Variants in PIAS2 observed in about 807,000 individuals in gnomAD.
PIAS2 encodes the protein protein inhibitor of activated STAT 2.
A neutral mutation model predicts 69.7 loss-of-function variants in PIAS2; 19 were observed. The observed-to-expected ratio is 0.27, with a 90% confidence interval of 0.19 to 0.40. PIAS2 has a LOEUF of 0.40. PIAS2 is among the 10% of genes least tolerant of loss of function. The pLI is 1.00. For missense variants in PIAS2, 624 were observed against 757.0 expected, an observed-to-expected ratio of 0.82 and a Z score of 2.06; for synonymous variants, 261 against 263.2, an observed-to-expected ratio of 0.99 and a Z score of 0.08.
At chr18:46,897,761 T>C (rs2055128902) in intron 1 of PIAS2, among the ~76,000 whole-genome samples, 1 of 152,208 alleles carries the variant, frequency 6.6e-6, no homozygotes, top group African/African-American at 2.4e-5. Flanking sequence ...CAATAGCTAA[T>C]ATACTAAAAA....
intron 8 of PIAS2, among the ~76,000 whole-genome samples, chr18:46,837,614 A>G (rs1251223378): frequency 8.5e-5 from 13 of 152,182 alleles, no homozygotes; most frequent in Admixed American, 8.5e-4. Flanking sequence ...ATTTGTTTTT[A>G]TATAATCAAC....
intron 2 of PIAS2, among the ~76,000 whole-genome samples, chr18:46,872,229 T>G (rs2050468267): frequency 6.6e-6 from 1 of 152,212 alleles, no homozygotes; most frequent in African/African-American, 2.4e-5. Context: ...CTACCCACCC[T>G]GTTGTTCCCA....
rs190506615 is a variant in PIAS2 at position 46,909,824 on chromosome 18, G to T, written c.24+7498C>A. ...CAGGGTTTTTCTGCAAGACAAGTTT[G>T]GTGAAACTTTACAGTTTTTTTCTCT... is the stretch of plus-strand genomic sequence containing the variant. On this transcript the variant is annotated intron_variant, in intron 1 of 13. Transcript: ENST00000585916. 2.4e-3 allele frequency among the ~76,000 whole-genome samples: 360 copies of T among 152,248 alleles called. 2 individuals are homozygous for T. Among genetic ancestry groups the T allele is most frequent in the African/African-American group, 8.2e-3 (342 of 41,546 alleles).
intron 13 of PIAS2, among the ~76,000 whole-genome samples, chr18:46,814,426 T>C (rs964736145): frequency 2.6e-5 from 4 of 152,266 alleles, no homozygotes; most frequent in African/African-American, 7.2e-5. Context: ...GAAAAATACA[T>C]AGACACTTTC....
intron 1 of PIAS2, among the ~76,000 whole-genome samples, chr18:46,913,260 G>A (rs1432725679): frequency 2.0e-5 from 3 of 152,116 alleles, no homozygotes; most frequent in Non-Finnish European, 4.4e-5. Context: ...CTCCTGGTAG[G>A]TGTAAGGAAA....
rs954047160 is a variant in PIAS2, at chr18:46,818,203, C to G, written c.1648+2730G>C. 5.1e-6 allele frequency: 6 copies of G among 1,186,710 alleles called. No homozygotes were observed. The East Asian group carries it at 2.2e-4, about 43-fold the overall frequency. The allele number at this position is 1,186,710 out of a possible 1,614,324, so 73.5% of individuals were successfully genotyped here. On this transcript the variant is annotated intron_variant, in intron 12 of 13. Coordinates refer to ENST00000585916, the MANE Select transcript of PIAS2 (RefSeq NM_004671.5). ...GTCATAAACTTTTAACAAAACATAA[C>G]TGCTACATGATTAAATATGTAAATG...
chr18:46,867,438 T>C (rs1019952356), intron 2 of PIAS2, among the ~76,000 whole-genome samples: 1 of 152,182 alleles, frequency 6.6e-6, no homozygotes, highest in African/African-American at 2.4e-5. Context: ...ATAAAGTGAA[T>C]TTGTTAGCTA....
chr18:46,823,670 T>G (rs2042454036), intron 11 of PIAS2, among the ~76,000 whole-genome samples: 1 of 152,244 alleles, frequency 6.6e-6, no homozygotes, highest in Non-Finnish European at 1.5e-5. Context: ...TACAAATTAG[T>G]AAATCAACAT....
intron 12 of PIAS2, chr18:46,816,847 T>C: frequency 1.0e-6 from 1 of 982,308 alleles, no homozygotes; most frequent in Non-Finnish European, 1.2e-6. Context: ...CAAAGAGAAT[T>C]ACAACAAACT....
At chr18:46,894,191 GCTTA>G (rs757247076) in intron 1 of PIAS2, among the ~76,000 whole-genome samples, 2 of 152,136 alleles carry the variant, frequency 1.3e-5, no homozygotes, top group Non-Finnish European at 2.9e-5. Flanking sequence ...TCTCAAAGCA[GCTTA>G]CTAAGTAAAA....
intron 2 of PIAS2, among the ~76,000 whole-genome samples, chr18:46,873,093 C>A (rs1283241941): frequency 6.6e-6 from 1 of 152,190 alleles, no homozygotes; most frequent in Non-Finnish European, 1.5e-5. Flanking sequence ...CAATTTATCA[C>A]GGCTACCGCC....
chr18:46,883,606 A>G (rs2052653015), intron 2 of PIAS2, among the ~76,000 whole-genome samples: 1 of 152,100 alleles, frequency 6.6e-6, no homozygotes, highest in African/African-American at 2.4e-5. Context: ...TGGGAAGCTG[A>G]GGCAGGCAGC....
Position 46,810,119 on chromosome 18 carries a change from A to T in PIAS2, c.*2314T>A, listed in dbSNP as rs1468807150. On this transcript the variant is annotated 3_prime_UTR_variant, in exon 14 of 14. Transcript: ENST00000585916. ...AATGCAAGTTGCCTGTATGAAATAA[A>T]TTAAAAATTTATATGTAATTTCAGT... The T allele has an allele frequency of 1.3e-5, 2 of 152,202 alleles. No individual in the cohort carries two copies. Among genetic ancestry groups the T allele is most frequent in the African/African-American group, 4.8e-5 (2 of 41,456 alleles). 9.4% of individuals were successfully genotyped at this position (152,202 alleles called of 1,614,324 possible).
At chr18:46,882,385 A>G (rs1568706965) in intron 2 of PIAS2, among the ~76,000 whole-genome samples, 1 of 152,188 alleles carries the variant, frequency 6.6e-6, no homozygotes, top group Non-Finnish European at 1.5e-5. Flanking sequence ...TGATGAGTGT[A>G]TAGGGAAAAC....
chr18:46,831,957 C>A (rs572511972), intron 9 of PIAS2, among the ~76,000 whole-genome samples: 6 of 152,146 alleles, frequency 3.9e-5, no homozygotes, highest in Non-Finnish European at 8.8e-5. Flanking sequence ...GGTAAACCAG[C>A]CTTCATTCAA....
At chr18:46,824,858 A>C (rs567414136) in intron 11 of PIAS2, among the ~76,000 whole-genome samples, 61 of 151,428 alleles carry the variant, frequency 4.0e-4, no homozygotes, top group African/African-American at 1.4e-3. Context: ...AAAAAACACA[A>C]AAAAATTAGC....
chr18:46,893,574 C>T (rs746419970), intron 1 of PIAS2: 10 of 315,806 alleles, frequency 3.2e-5, no homozygotes, highest in Non-Finnish European at 4.6e-5. Context: ...GAGATAAGAG[C>T]TTAGACTATG....
At chr18:46,815,826 A>G in intron 12 of PIAS2, 1 of 993,318 alleles carries the variant, frequency 1.0e-6, no homozygotes, top group African/African-American at 1.7e-5. Flanking sequence ...CTGTCCCCAC[A>G]TCAAGAGCAG....
Position 46,808,828 on chromosome 18 carries a change from T to A in PIAS2, c.*3605A>T, listed in dbSNP as rs958415240. The A allele has an allele frequency of 1.3e-5, 2 of 151,068 alleles. No individual in the cohort carries two copies. The highest frequency in any genetic ancestry group is 4.8e-5 in the African/African-American group (2 of 41,310). The allele number at this position is 151,068 out of a possible 1,614,324, so 9.4% of individuals were successfully genotyped here. On this transcript the variant is annotated 3_prime_UTR_variant, in exon 14 of 14. Transcript: ENST00000585916. ...GAATGGTCCGGCTAAGTGCTTTTTTTTTTTTTTTTTTTTTTAAACCAACTG... is the reference window on the plus strand; with the variant it reads ...GAATGGTCCGGCTAAGTGCTTTTTTATTTTTTTTTTTTTTTAAACCAACTG...
Sources: allele counts gnomAD v4.1 joint callset (sites outside exome capture counted in the v4.1 genomes callset), GRCh38; gene constraint gnomAD v4.1.1; transcripts MANE v1.5; gene names NCBI Gene and HGNC (gene_info 2026-07-23, HGNC 2026-07-21).